FRMD4A: variants seen among roughly 807,000 people sequenced by gnomAD.
FRMD4A encodes FERM domain containing 4A.
In FRMD4A, 29 loss-of-function variants were observed where a neutral mutation model predicts 129.1. The observed-to-expected ratio is 0.22, with a 90% CI of 0.17 to 0.31. FRMD4A has a LOEUF of 0.31. FRMD4A is among the 10% of genes least tolerant of loss of function. The probability of loss-of-function intolerance (pLI) is 1.00; values close to 1 mark genes in which losing one functional copy is unlikely to be tolerated. For missense variants in FRMD4A, 1,272 were observed against 1,375.8 expected, an observed-to-expected ratio of 0.92 and a Z score of 1.19; for synonymous variants, 634 against 571.6, an observed-to-expected ratio of 1.11 and a Z score of -1.56.
In FRMD4A at chr10:13,696,024, T is replaced by G. The variant is rs3750883; in HGVS notation, c.976-1985A>C. On this transcript the variant is annotated intron_variant, in intron 14 of 24. Transcript: ENST00000357447. ...GCTTGTTTTCTTCACCTGGTGTGAA[T>G]TGTCTTCCTCCTCCTCCTCCTCCCT... is the stretch of plus-strand genomic sequence containing the variant. Among the ~76,000 whole-genome samples, 475 of 152,114 alleles carry G rather than the reference T, an allele frequency of 3.1e-3. 3 individuals are homozygous for G. Among genetic ancestry groups the G allele is most frequent in the African/African-American group, 0.011 (453 of 41,500 alleles).
chr10:13,826,085 T>C (rs1381712001), intron 3 of FRMD4A, among the ~76,000 whole-genome samples: 2 of 152,236 alleles, frequency 1.3e-5, no homozygotes, highest in East Asian at 3.8e-4. Context: ...CAATAACCTC[T>C]ACCTCCCAAA....
intron 2 of FRMD4A, among the ~76,000 whole-genome samples, chr10:14,066,490 TAAAG>T (rs1274651611): frequency 1.3e-5 from 2 of 151,656 alleles, no homozygotes; most frequent in Non-Finnish European, 2.9e-5. Flanking sequence ...GTAGGGAAGA[TAAAG>T]AGTGTGAAGT....
chr10:13,834,641 G>A (rs555547552), intron 3 of FRMD4A, among the ~76,000 whole-genome samples: 7 of 152,230 alleles, frequency 4.6e-5, no homozygotes, highest in Admixed American at 3.3e-4. Flanking sequence ...AAATTGATGC[G>A]TCTGAAATTT....
intron 2 of FRMD4A, among the ~76,000 whole-genome samples, chr10:14,314,764 C>T (rs1038254851): frequency 6.6e-6 from 1 of 151,986 alleles, no homozygotes; most frequent in African/African-American, 2.4e-5. Flanking sequence ...TGGTTTCGTC[C>T]GACTCTTCAG....
chr10:13,657,582 C>T (rs1314767757), intron 21 of FRMD4A, 60 bp from the exon 22 acceptor site: 3 of 1,467,354 alleles, frequency 2.0e-6, no homozygotes, highest in Non-Finnish European at 2.7e-6. Flanking sequence ...GAGGGGTGCT[C>T]CGGGGAGGAG....
intron 2 of FRMD4A, among the ~76,000 whole-genome samples, chr10:13,908,414 A>G (rs2094906064): frequency 6.6e-6 from 1 of 152,192 alleles, no homozygotes; most frequent in South Asian, 2.1e-4. Context: ...CATAAGCAGT[A>G]TACACTGTTT....
At chr10:13,907,427 G>A (rs2131214877) in intron 2 of FRMD4A, among the ~76,000 whole-genome samples, 1 of 152,214 alleles carries the variant, frequency 6.6e-6, no homozygotes, top group African/African-American at 2.4e-5. Flanking sequence ...TAAGTAACTT[G>A]CCAAAAGTCT....
intron 2 of FRMD4A, among the ~76,000 whole-genome samples, chr10:13,944,846 T>C (rs569337181): frequency 5.9e-5 from 9 of 152,224 alleles, no homozygotes; most frequent in Non-Finnish European, 1.5e-5. Context: ...AGAAAGCAAC[T>C]TCTTATCCTT....
chr10:13,676,033 C>T lies in FRMD4A; in HGVS notation c.1118-989G>A, dbSNP rs900514274. 3.9e-5 allele frequency: 6 copies of T among 151,970 alleles called. 1 individual carries two copies. Among genetic ancestry groups the T allele is most frequent in the East Asian group, 1.9e-4 (1 of 5,194 alleles). 9.4% of individuals were successfully genotyped at this position (151,970 alleles called of 1,614,324 possible). A position where few individuals can be genotyped will look rare whatever the true frequency, so the allele number is the denominator to read the frequency against. ...ATGATGATTCAAATAGCAGAGTGCT[C>T]GATAGGAAACCTTGTGGAAGGCAAA... On this transcript the variant is annotated intron_variant, in intron 15 of 24. Coordinates refer to ENST00000357447, the MANE Select transcript of FRMD4A (RefSeq NM_018027.5).
At chr10:13,739,687 A>G (rs1259094899) in intron 11 of FRMD4A, among the ~76,000 whole-genome samples, 1 of 152,240 alleles carries the variant, frequency 6.6e-6, no homozygotes, top group Admixed American at 6.5e-5. Flanking sequence ...GAAATGGACC[A>G]CAGGTTGAAG....
chr10:14,061,184 A>AT (rs1293414270), intron 2 of FRMD4A, among the ~76,000 whole-genome samples: 5 of 152,230 alleles, frequency 3.3e-5, no homozygotes, highest in Admixed American at 6.5e-5. Flanking sequence ...GTAGTGGCTT[A>AT]TGCCTTTAAT....
intron 2 of FRMD4A, among the ~76,000 whole-genome samples, chr10:14,000,646 CAAAAAA>C (rs11377448): frequency 2.3e-5 from 1 of 43,478 alleles, no homozygotes; most frequent in African/African-American, 8.3e-5. Context: ...GACGCCACCT[CAAAAAA>C]AAAAAAAAAA....
intron 12 of FRMD4A, among the ~76,000 whole-genome samples, chr10:13,718,371 G>A (rs1313665479): frequency 2.0e-5 from 3 of 152,268 alleles, no homozygotes; most frequent in African/African-American, 7.2e-5. Flanking sequence ...GATAGGAGGC[G>A]GTGGGCCTGC....
chr10:13,859,465 C>T (rs1222246556), intron 2 of FRMD4A, among the ~76,000 whole-genome samples: 2 of 152,154 alleles, frequency 1.3e-5, no homozygotes, highest in Non-Finnish European at 2.9e-5. Context: ...GCACACAAGA[C>T]AAAGTTCCCA....
intron 3 of FRMD4A, among the ~76,000 whole-genome samples, chr10:13,850,173 C>T (rs1335058733): frequency 6.6e-6 from 1 of 152,034 alleles, no homozygotes; most frequent in African/African-American, 2.4e-5. Context: ...TACACCACTG[C>T]ACCCCAGCCT....
chr10:13,937,522 G>A (rs2095258625), intron 2 of FRMD4A, among the ~76,000 whole-genome samples: 1 of 152,156 alleles, frequency 6.6e-6, no homozygotes, highest in Admixed American at 6.5e-5. Context: ...GTGCCTTTTA[G>A]GTTTAGACCC....
chr10:13,659,268 T>C (rs1468412378), intron 21 of FRMD4A, 55 bp downstream of exon 21: 7 of 1,487,690 alleles, frequency 4.7e-6, no homozygotes, highest in South Asian at 1.1e-5. Context: ...GGGCTGACAA[T>C]GCCCAATTTT....
rs1564971865 is a variant in FRMD4A, at chr10:13,884,214, A to ACACTCTCACACACACACT, written c.46-25303_46-25302insAGTGTGTGTGTGAGAGTG. On this transcript the variant is annotated intron_variant, in intron 2 of 24. Coordinates refer to ENST00000357447, the MANE Select transcript of FRMD4A (RefSeq NM_018027.5). ...CACACACTCACACACACACTCACAC[A>ACACTCTCACACACACACT]CACACACACACACACACACACACAC... Among the ~76,000 whole-genome samples the ACACTCTCACACACACACT allele has an allele frequency of 8.7e-5, 10 of 115,320 alleles. No individual in the cohort carries two copies. The South Asian group carries it at 3.8e-3, about 43-fold the overall frequency. The allele number at this position is 115,320 out of a possible 152,430, so 75.7% of individuals were successfully genotyped here.
chr10:13,707,245 C>G, intron 12 of FRMD4A, 132 bp from the exon 13 acceptor site: 1 of 781,262 alleles, frequency 1.3e-6, no homozygotes, highest in Non-Finnish European at 2.0e-6. Context: ...GTGCCTCCTC[C>G]GCCTCTTGCT....
Sources: gnomAD v4.1 joint callset for allele counts (sites outside exome capture counted in the v4.1 genomes callset) on GRCh38, gnomAD v4.1.1 for gene constraint, MANE v1.5 for transcripts, NCBI Gene and HGNC (gene_info 2026-07-23, HGNC 2026-07-21) for gene names.